SCN9A: variants seen among roughly 807,000 people sequenced by gnomAD.
The protein encoded by SCN9A is sodium channel protein type 9 subunit alpha.
Under a neutral mutation model 187.0 loss-of-function variants are expected in SCN9A, and 131 were observed. That is an observed-to-expected ratio of 0.70 (90% CI 0.61 to 0.81). The LOEUF (loss-of-function observed/expected upper bound fraction) is 0.81. SCN9A is among the 30% of genes least tolerant of loss of function. SCN9A has a pLI of 0.00. For missense variants in SCN9A, 2,252 were observed against 2,396.6 expected, an observed-to-expected ratio of 0.94 and a Z score of 1.26; for synonymous variants, 809 against 808.6, an observed-to-expected ratio of 1.00 and a Z score of -0.01.
chr2:166,197,346 G>T lies in SCN9A; in HGVS notation c.*1326C>A, dbSNP rs1354306242. Reference sequence around the variant, plus strand: ...TGAATATGTGCTTGATAAATTAGAAGCCCATGGTACTGTGTTGATTGAGGC... The same window carrying T: ...TGAATATGTGCTTGATAAATTAGAATCCCATGGTACTGTGTTGATTGAGGC... On this transcript the variant is annotated 3_prime_UTR_variant, in exon 27 of 27. Transcript: ENST00000642356. 3 of 152,062 alleles carry T rather than the reference G, an allele frequency of 2.0e-5. No individual in the cohort carries two copies. The highest frequency in any genetic ancestry group is 7.2e-5 in the African/African-American group (3 of 41,436). The allele number at this position is 152,062 out of a possible 1,614,324, so 9.4% of individuals were successfully genotyped here.
Position 166,260,666 on chromosome 2 carries a change from T to C in SCN9A, c.3352-8781A>G, listed in dbSNP as rs116757629. On this transcript the variant is annotated intron_variant, in intron 17 of 26. Coordinates refer to ENST00000642356, the MANE Select transcript of SCN9A (RefSeq NM_001365536.1). The stretch of plus-strand genomic sequence containing the variant: ...TGTGGTTTTTGGGGGACTCAATATT[T>C]ATAGGGGGCCAAAAATATTTCATGA... Among the ~76,000 whole-genome samples the C allele has an allele frequency of 9.0e-3, 1,364 of 151,958 alleles. 17 individuals are homozygous for C. The highest frequency in any genetic ancestry group is 0.031 in the African/African-American group (1,288 of 41,492).
intron 24 of SCN9A, among the ~76,000 whole-genome samples, chr2:166,224,036 G>C (rs959750025): frequency 6.6e-6 from 1 of 152,106 alleles, no homozygotes; most frequent in Non-Finnish European, 1.5e-5. Context: ...GACTTTGGTG[G>C]TGATAGTATC....
intron 18 of SCN9A, among the ~76,000 whole-genome samples, chr2:166,248,519 C>A (rs1406655470): frequency 6.6e-6 from 1 of 152,148 alleles, no homozygotes; most frequent in Non-Finnish European, 1.5e-5. Context: ...AATCTTCCAG[C>A]TTCTGCCATT....
In SCN9A at chr2:166,321,793, CTT is replaced by C. The variant is rs142400656; in HGVS notation, c.-50-9989_-50-9988del. Among the ~76,000 whole-genome samples, 1,135 of 118,546 alleles carry C rather than the reference CTT, an allele frequency of 9.6e-3. 8 individuals are homozygous for C. Among genetic ancestry groups the C allele is most frequent in the African/African-American group, 0.026 (778 of 30,304 alleles). 77.8% of individuals were successfully genotyped at this position (118,546 alleles called of 152,430 possible). The stretch of plus-strand genomic sequence containing the variant: ...CATTCCAATTATAGCCTGGCAAAAT[CTT>C]TTTTTTTTTTTTTTTTTGGTAACTC... On this transcript the variant is annotated intron_variant, in intron 1 of 26. Coordinates refer to ENST00000642356, the MANE Select transcript of SCN9A (RefSeq NM_001365536.1).
chr2:166,288,533 T>C lies in SCN9A; in HGVS notation c.1218A>G (p.Glu406=). ...LILAVVAMAY[E]EQNQANIEEA... Reference sequence around the variant, plus strand: ...CTTCAATGTTTGCCTGGTTCTGTTCTTCATATGCCATGGCAACCACAGCCA... The same window carrying C: ...CTTCAATGTTTGCCTGGTTCTGTTCCTCATATGCCATGGCAACCACAGCCA... The change falls in exon 10 of 27, where the codon GAA becomes GAG. Residue 406 remains glutamate, a synonymous_variant. Transcript: ENST00000642356. The C allele has an allele frequency of 1.9e-6, 3 of 1,613,318 alleles. No homozygotes were observed. Among genetic ancestry groups the C allele is most frequent in the Non-Finnish European group, 2.5e-6 (3 of 1,179,408 alleles).
intron 1 of SCN9A, among the ~76,000 whole-genome samples, chr2:166,346,302 A>C (rs929584129): frequency 3.3e-5 from 5 of 152,174 alleles, no homozygotes; most frequent in African/African-American, 1.2e-4. Context: ...AATAGCAAAG[A>C]TCATAGTATT....
intron 9 of SCN9A, among the ~76,000 whole-genome samples, chr2:166,291,761 A>G (rs1698081302): frequency 6.6e-6 from 1 of 152,184 alleles, no homozygotes; most frequent in Admixed American, 6.5e-5. Context: ...CCTCAGAAAT[A>G]ACACCACACT....
intron 26 of SCN9A, among the ~76,000 whole-genome samples, 182 bp downstream of exon 26, chr2:166,203,773 C>G (rs1693657728): frequency 6.6e-6 from 1 of 151,772 alleles, no homozygotes; most frequent in Admixed American, 6.6e-5. Context: ...TAGTGTAAAC[C>G]CAGAAACACT....
chr2:166,288,783 A>G, intron 9 of SCN9A, 140 bp from the exon 10 acceptor site: 1 of 585,636 alleles, frequency 1.7e-6, no homozygotes, highest in Non-Finnish European at 2.8e-6. Flanking sequence ...TTATATCTTC[A>G]TGGAAAACAA....
intron 4 of SCN9A, among the ~76,000 whole-genome samples, chr2:166,306,204 A>G (rs1355605745): frequency 6.6e-6 from 1 of 152,126 alleles, no homozygotes; most frequent in Non-Finnish European, 1.5e-5. Context: ...AAATTCACCC[A>G]ATCATTTAAA....
At chr2:166,216,026 A>G (rs1694316141) in intron 24 of SCN9A, among the ~76,000 whole-genome samples, 2 of 152,114 alleles carry the variant, frequency 1.3e-5, no homozygotes, top group African/African-American at 2.4e-5. Flanking sequence ...GCACATTTAA[A>G]ACATCATTCA....
At chr2:166,330,879 T>C (rs956279899) in intron 1 of SCN9A, among the ~76,000 whole-genome samples, 3 of 152,138 alleles carry the variant, frequency 2.0e-5, no homozygotes, top group Non-Finnish European at 4.4e-5. Context: ...TAACAGGCCA[T>C]GGACCAGTAT....
In SCN9A at chr2:166,198,664, A is replaced by T; in HGVS notation, c.*8T>A. Reference sequence around the variant, plus strand: ...ACAGGCTGTAAACAATATATCAAAAATGAAGCTCTATTTTTTGCTTTCCTT... The same window carrying T: ...ACAGGCTGTAAACAATATATCAAAATTGAAGCTCTATTTTTTGCTTTCCTT... On this transcript the variant is annotated 3_prime_UTR_variant, in exon 27 of 27. Transcript: ENST00000642356. 1 of 1,563,676 alleles carries T rather than the reference A, an allele frequency of 6.4e-7. No individual in the cohort carries two copies.
intron 14 of SCN9A, among the ~76,000 whole-genome samples, chr2:166,279,151 T>A (rs905914618): frequency 3.3e-5 from 5 of 152,100 alleles, no homozygotes; most frequent in African/African-American, 1.2e-4. Context: ...GATCCGGATC[T>A]CCACCAACAA....
At chr2:166,315,735 T>C (rs1699093259) in intron 1 of SCN9A, among the ~76,000 whole-genome samples, 1 of 152,152 alleles carries the variant, frequency 6.6e-6, no homozygotes, top group Non-Finnish European at 1.5e-5. Flanking sequence ...CTGACAGGGT[T>C]ACAGAGGGCA....
chr2:166,200,219 G>C (rs956036881), intron 26 of SCN9A, among the ~76,000 whole-genome samples: 1 of 150,358 alleles, frequency 6.7e-6, no homozygotes, highest in African/African-American at 2.5e-5. Flanking sequence ...GGATGGTCTC[G>C]ATCTCCTGAC....
chr2:166,351,057 A>G (rs560388069), intron 1 of SCN9A, among the ~76,000 whole-genome samples: 1 of 152,264 alleles, frequency 6.6e-6, no homozygotes, highest in African/African-American at 2.4e-5. Flanking sequence ...AGACATACAC[A>G]CATATTTCCT....
chr2:166,265,158 ATTCT>A (rs1431487045), intron 17 of SCN9A, among the ~76,000 whole-genome samples: 3 of 151,880 alleles, frequency 2.0e-5, no homozygotes, highest in South Asian at 2.1e-4. Context: ...ACCAGAACTT[ATTCT>A]TTCTATCTCA....
At chr2:166,238,665 T>A (rs930991645) in intron 19 of SCN9A, among the ~76,000 whole-genome samples, 2 of 152,106 alleles carry the variant, frequency 1.3e-5, no homozygotes, top group Admixed American at 1.3e-4. Context: ...CTCCCCTTTT[T>A]CCCCACCAGT....
Sources: gnomAD v4.1 joint callset for allele counts (sites outside exome capture counted in the v4.1 genomes callset) on GRCh38, gnomAD v4.1.1 for gene constraint, MANE v1.5 for transcripts, NCBI Gene and HGNC (gene_info 2026-07-23, HGNC 2026-07-21) for gene names.